Variants in TRAPPC3 observed in about 807,000 individuals in gnomAD.
TRAPPC3 encodes the protein trafficking protein particle complex subunit 3.
Under a neutral mutation model 18.2 loss-of-function variants are expected in TRAPPC3, and 5 were observed. That is an observed-to-expected ratio of 0.28 (90% CI 0.14 to 0.58). The LOEUF is 0.58. TRAPPC3 is among the 20% of genes least tolerant of loss of function. The pLI is 0.91. For synonymous variants in TRAPPC3, 65 were observed against 84.2 expected (o/e 0.77, Z 1.25); for missense variants, 176 against 225.9 (o/e 0.78, Z 1.41).
chr1:36,144,363 G>A lies in TRAPPC3; in HGVS notation c.43-4197C>T, dbSNP rs578196990. Among the ~76,000 whole-genome samples the A allele has an allele frequency of 8.0e-5, 12 of 149,724 alleles. No homozygotes were observed. The South Asian group carries it at 2.5e-3, about 32-fold the overall frequency. On this transcript the variant is annotated intron_variant, in intron 1 of 4. Transcript: ENST00000373166. ...TTTGAATCAATATAAACAACTTTCT[G>A]GCTGGGCATGGTGGCTCATGCCTAT... is the stretch of plus-strand genomic sequence containing the variant.
intron 2 of TRAPPC3, 63 bp from the exon 3 acceptor site, chr1:36,139,882 G>T: frequency 6.3e-7 from 1 of 1,591,522 alleles, no homozygotes; most frequent in Non-Finnish European, 8.6e-7. Context: ...TGAACATAAG[G>T]TTGTTGGTGG....
chr1:36,142,943 G>C (rs541289017), intron 1 of TRAPPC3, among the ~76,000 whole-genome samples: 1 of 152,240 alleles, frequency 6.6e-6, no homozygotes, highest in South Asian at 2.1e-4. Context: ...GAGGCGGGAG[G>C]ATGGCTTGAG....
rs755537221 is a variant in TRAPPC3, at chr1:36,149,318, G to C, written c.42+19C>G. 5 of 1,613,412 alleles carry C rather than the reference G, an allele frequency of 3.1e-6. No homozygotes were observed. Among genetic ancestry groups the C allele is most frequent in the Non-Finnish European group, 4.2e-6 (5 of 1,179,814 alleles). ...CCTCAATTTCGCCCCGCCCGCCGAG[G>C]TCACGCGCTCCAAGTTACCATTTTC... On this transcript the variant is annotated intron_variant, in intron 1 of 4. Coordinates refer to ENST00000373166, the MANE Select transcript of TRAPPC3 (RefSeq NM_014408.5).
At chr1:36,150,225 T>C (rs568766304), upstream of TRAPPC3, among the ~76,000 whole-genome samples, 17 of 152,342 alleles carry the variant, frequency 1.1e-4, no homozygotes, top group African/African-American at 4.1e-4. Context: ...TCTCAGTTGT[T>C]GTAAAGACTG....
At chr1:36,141,885 G>A (rs887538280) in intron 1 of TRAPPC3, among the ~76,000 whole-genome samples, 3 of 150,826 alleles carry the variant, frequency 2.0e-5, no homozygotes, top group Admixed American at 1.3e-4. Context: ...TAGAACCCGG[G>A]AGGAGGAGGT....
upstream of TRAPPC3, among the ~76,000 whole-genome samples, chr1:36,149,712 C>T (rs1644254017): frequency 6.6e-6 from 1 of 152,236 alleles, no homozygotes; most frequent in Non-Finnish European, 1.5e-5. Flanking sequence ...GTGGCGTCCG[C>T]AGCCTTCGGT....
At chr1:36,147,528 C>T (rs1241219690) in intron 1 of TRAPPC3, among the ~76,000 whole-genome samples, 2 of 150,792 alleles carry the variant, frequency 1.3e-5, no homozygotes, top group Non-Finnish European at 3.0e-5. Flanking sequence ...CCTATAGTAC[C>T]AGCTACTTGG....
chr1:36,148,284 AC>A, intron 1 of TRAPPC3, among the ~76,000 whole-genome samples: 2 of 152,012 alleles, frequency 1.3e-5, no homozygotes, highest in South Asian at 4.2e-4. Flanking sequence ...ACATGGTGAA[AC>A]CCCGTCTCTA....
intron 1 of TRAPPC3, among the ~76,000 whole-genome samples, chr1:36,146,422 G>A (rs1346389731): frequency 6.6e-6 from 1 of 150,956 alleles, no homozygotes; most frequent in Admixed American, 6.6e-5. Flanking sequence ...TCAGCCTCCT[G>A]AGTAGCTGGG....
intron 1 of TRAPPC3, among the ~76,000 whole-genome samples, chr1:36,145,851 G>A (rs1644187174): frequency 6.6e-6 from 1 of 152,152 alleles, no homozygotes; most frequent in Non-Finnish European, 1.5e-5. Context: ...TCGGCTCACT[G>A]CAAGCTCCGC....
At position 36,136,994 on chromosome 1, in the gene TRAPPC3, G is replaced by T; in HGVS notation, c.*209C>A. 1 of 470,246 alleles carries T rather than the reference G, an allele frequency of 2.1e-6. No homozygotes were observed. Among genetic ancestry groups the T allele is most frequent in the Non-Finnish European group, 3.7e-6 (1 of 270,826 alleles). The allele number at this position is 470,246 out of a possible 1,614,324, so 29.1% of individuals were successfully genotyped here. A position where few individuals can be genotyped will look rare whatever the true frequency, so the allele number is the denominator to read the frequency against. ...ATCCAGCCCCTCTCAAGGGAATGGGGGCAGAGACTGTCGCTCCTGAATGTG... is the reference window on the plus strand; with the variant it reads ...ATCCAGCCCCTCTCAAGGGAATGGGTGCAGAGACTGTCGCTCCTGAATGTG... On this transcript the variant is annotated 3_prime_UTR_variant, in exon 5 of 5. Coordinates refer to ENST00000373166, the MANE Select transcript of TRAPPC3 (RefSeq NM_014408.5).
At chr1:36,138,156 C>A (rs773557998) in intron 3 of TRAPPC3, 178 bp from the exon 4 acceptor site, 1 of 1,551,880 alleles carries the variant, frequency 6.4e-7, no homozygotes, top group South Asian at 1.2e-5. Context: ...TGATGCTGCA[C>A]CCCTCTCCTT....
At chr1:36,150,095 C>T (rs906700587), upstream of TRAPPC3, among the ~76,000 whole-genome samples, 1 of 152,198 alleles carries the variant, frequency 6.6e-6, no homozygotes, top group African/African-American at 2.4e-5. Flanking sequence ...TTCTCCCCCT[C>T]CCTCCCCCTA....
chr1:36,147,679 T>G (rs1245356131), intron 1 of TRAPPC3, among the ~76,000 whole-genome samples: 7 of 152,096 alleles, frequency 4.6e-5, no homozygotes, highest in Non-Finnish European at 1.0e-4. Context: ...AGTTAGAGGT[T>G]AGAGAATTAG....
At chr1:36,152,561 CG>C, upstream of TRAPPC3, among the ~76,000 whole-genome samples, 1 of 152,124 alleles carries the variant, frequency 6.6e-6, no homozygotes, top group South Asian at 2.1e-4. Flanking sequence ...CTGCCCACCT[CG>C]GCCTCCCAGA....
chr1:36,145,372 T>G (rs1483309351), intron 1 of TRAPPC3, among the ~76,000 whole-genome samples: 1 of 152,052 alleles, frequency 6.6e-6, no homozygotes, highest in Non-Finnish European at 1.5e-5. Flanking sequence ...CTCATACTAT[T>G]TTTGTCAAAA....
At chr1:36,155,927 G>C (rs1024719057) in exon 1 of TRAPPC3, 1 of 153,194 alleles carries the variant, frequency 6.5e-6, no homozygotes, top group Non-Finnish European at 1.5e-5. Flanking sequence ...CGGACGCAGG[G>C]GGAGGCAGCT....
chr1:36,142,303 A>C (rs920316743), intron 1 of TRAPPC3, among the ~76,000 whole-genome samples: 8 of 152,196 alleles, frequency 5.3e-5, no homozygotes, highest in Non-Finnish European at 1.0e-4. Context: ...TTTTTTTAGT[A>C]AAGTCAAGGG....
chr1:36,139,656 G>T, intron 3 of TRAPPC3, 64 bp downstream of exon 3: 1 of 1,600,914 alleles, frequency 6.2e-7, no homozygotes, highest in Admixed American at 1.7e-5. Flanking sequence ...GAGATAGAAA[G>T]AGTGGTAAGC....
Sources: allele counts gnomAD v4.1 joint callset (sites outside exome capture counted in the v4.1 genomes callset), GRCh38; gene constraint gnomAD v4.1.1; transcripts MANE v1.5; gene names NCBI Gene and HGNC (gene_info 2026-07-23, HGNC 2026-07-21).